Variants in ZFHX3 observed in about 807,000 individuals in gnomAD.
ZFHX3 encodes zinc finger homeobox protein 3.
A neutral mutation model predicts 279.1 loss-of-function variants in ZFHX3; 42 were observed. The ratio of observed to expected loss-of-function variants is 0.15; its 90% confidence interval spans 0.12 to 0.19. ZFHX3 has a LOEUF of 0.19. ZFHX3 is among the 10% of genes least tolerant of loss of function. ZFHX3 has a pLI of 1.00. For synonymous variants in ZFHX3, 2,293 were observed against 1,957.8 expected (o/e 1.17, Z -4.52); for missense variants, 4,981 against 4,754.0 (o/e 1.05, Z -1.40).
chr16:73,683,542 T>C (rs7184650), intron 1 of ZFHX3, among the ~76,000 whole-genome samples: 33,315 of 152,038 alleles, frequency 0.22, 3,708 homozygotes, highest in South Asian at 0.24. Flanking sequence ...GCGACATGTT[T>C]TGGGATTTTT....
rs527657949 is a variant in ZFHX3 at position 72,819,367 on chromosome 16, G to T, written c.3530-7329C>A. On this transcript the variant is annotated intron_variant, in intron 5 of 9. Coordinates refer to ENST00000268489, the MANE Select transcript of ZFHX3 (RefSeq NM_006885.4). Reference sequence around the variant, plus strand: ...GGACTTACTGTCTAGTTAAGAAGTCGATCTCAAAACCTCACGCTTGTCACT... The same window carrying T: ...GGACTTACTGTCTAGTTAAGAAGTCTATCTCAAAACCTCACGCTTGTCACT... Among the ~76,000 whole-genome samples the T allele has an allele frequency of 1.1e-3, 168 of 152,128 alleles. 1 individual carries two copies. The highest frequency in any genetic ancestry group is 4.0e-3 in the African/African-American group (164 of 41,486).
chr16:73,259,383 T>C (rs1009162826), intron 4 of ZFHX3, among the ~76,000 whole-genome samples: 5 of 152,240 alleles, frequency 3.3e-5, no homozygotes, highest in African/African-American at 9.6e-5. Flanking sequence ...GCCAGTCTGA[T>C]TGGGGTGAAA....
chr16:73,289,228 T>A (rs1164040350), intron 4 of ZFHX3, among the ~76,000 whole-genome samples: 2 of 151,762 alleles, frequency 1.3e-5, no homozygotes, highest in Non-Finnish European at 2.9e-5. Flanking sequence ...TGGCTGAACA[T>A]CCCTCCAAAG....
intron 1 of ZFHX3, among the ~76,000 whole-genome samples, chr16:73,880,791 A>C (rs2030119918): frequency 6.6e-6 from 1 of 152,196 alleles, no homozygotes; most frequent in Admixed American, 6.5e-5. Context: ...TTTAACATCT[A>C]CCAAGAATAT....
chr16:73,842,017 C>T (rs1961321942), intron 1 of ZFHX3, among the ~76,000 whole-genome samples: 1 of 151,386 alleles, frequency 6.6e-6, no homozygotes, highest in African/African-American at 2.4e-5. Context: ...GAGTTCAAGA[C>T]CAGCCTGACC....
intron 2 of ZFHX3, among the ~76,000 whole-genome samples, chr16:73,634,713 T>A (rs2052512594): frequency 6.6e-6 from 1 of 152,046 alleles, no homozygotes; most frequent in Admixed American, 6.6e-5. Flanking sequence ...GTTTGGATAT[T>A]AATAAATAGT....
chr16:73,474,180 C>T (rs1204904494), intron 2 of ZFHX3, among the ~76,000 whole-genome samples: 2 of 152,126 alleles, frequency 1.3e-5, no homozygotes, highest in Non-Finnish European at 2.9e-5. Context: ...CTCTCTCTCA[C>T]TCTGTCACCC....
At chr16:73,760,806 TACA>T (rs2053856362) in intron 1 of ZFHX3, among the ~76,000 whole-genome samples, 1 of 151,880 alleles carries the variant, frequency 6.6e-6, no homozygotes, top group African/African-American at 2.4e-5. Flanking sequence ...TAAAGAAAGG[TACA>T]TTTGAGGAAT....
intron 3 of ZFHX3, among the ~76,000 whole-genome samples, chr16:72,925,285 T>C (rs971414818): frequency 2.6e-5 from 4 of 152,234 alleles, no homozygotes; most frequent in African/African-American, 9.6e-5. Context: ...CCACCGTCAA[T>C]GCAGCTGTAG....
At chr16:73,704,142 A>G (rs2053280703) in intron 1 of ZFHX3, among the ~76,000 whole-genome samples, 1 of 152,202 alleles carries the variant, frequency 6.6e-6, no homozygotes, top group African/African-American at 2.4e-5. Flanking sequence ...GAAATTATAC[A>G]ATTTCAGATT....
At chr16:73,748,842 C>T (rs531433925) in intron 1 of ZFHX3, among the ~76,000 whole-genome samples, 1 of 152,220 alleles carries the variant, frequency 6.6e-6, no homozygotes, top group South Asian at 2.1e-4. Flanking sequence ...GGCTGGAGTG[C>T]AATGGCGCAG....
chr16:72,946,071 G>T (rs1250570420), intron 3 of ZFHX3, among the ~76,000 whole-genome samples: 4 of 152,180 alleles, frequency 2.6e-5, no homozygotes, highest in Admixed American at 6.5e-5. Flanking sequence ...ATGCATCAGG[G>T]AAAGAACTGA....
chr16:73,685,636 T>C (rs62042369), intron 1 of ZFHX3, among the ~76,000 whole-genome samples: 32,833 of 152,160 alleles, frequency 0.22, 3,702 homozygotes, highest in Admixed American at 0.24. Context: ...TCAGCAACCA[T>C]AGGAATCTAT....
At chr16:72,993,066 G>A (rs1963154172) in intron 1 of ZFHX3, among the ~76,000 whole-genome samples, 1 of 152,226 alleles carries the variant, frequency 6.6e-6, no homozygotes, top group Non-Finnish European at 1.5e-5. Flanking sequence ...AACCTGGGAG[G>A]TGGAGGCTGT....
chr16:73,022,626 G>A (rs916670355), intron 1 of ZFHX3, among the ~76,000 whole-genome samples: 1 of 152,066 alleles, frequency 6.6e-6, no homozygotes, highest in Non-Finnish European at 1.5e-5. Context: ...CACCCCCTAC[G>A]GAGAACCGCT....
intron 2 of ZFHX3, among the ~76,000 whole-genome samples, chr16:72,951,230 G>C (rs538496640): frequency 1.8e-4 from 27 of 152,126 alleles, no homozygotes; most frequent in Non-Finnish European, 3.5e-4. Context: ...ACCTAGAAAA[G>C]TTAGGAGCCA....
chr16:73,396,373 A>G (rs1353543351), intron 3 of ZFHX3, among the ~76,000 whole-genome samples: 1 of 152,116 alleles, frequency 6.6e-6, no homozygotes, highest in Non-Finnish European at 1.5e-5. Flanking sequence ...GCTTTAATGA[A>G]AGTTTTCAAA....
chr16:73,214,400 T>C (rs980769362), intron 5 of ZFHX3, among the ~76,000 whole-genome samples: 1 of 152,096 alleles, frequency 6.6e-6, no homozygotes, highest in Non-Finnish European at 1.5e-5. Context: ...TTTCGGTGAC[T>C]TACGGTGTGG....
At chr16:73,603,924 A>T (rs1284531895) in intron 2 of ZFHX3, among the ~76,000 whole-genome samples, 1 of 151,834 alleles carries the variant, frequency 6.6e-6, no homozygotes, top group Non-Finnish European at 1.5e-5. Context: ...GATTACAGGC[A>T]TGTGTCACCA....
Sources: gnomAD v4.1 joint callset for allele counts (sites outside exome capture counted in the v4.1 genomes callset) on GRCh38, gnomAD v4.1.1 for gene constraint, MANE v1.5 for transcripts, NCBI Gene and HGNC (gene_info 2026-07-23, HGNC 2026-07-21) for gene names.